TENM3: variants seen among roughly 807,000 people sequenced by gnomAD.
TENM3 encodes the protein teneurin transmembrane protein 3.
TENM3 carries 63 observed loss-of-function variants against 255.1 expected under a neutral mutation model. That is an observed-to-expected ratio of 0.25 (90% CI 0.20 to 0.30). The LOEUF (loss-of-function observed/expected upper bound fraction) is 0.30, where lower values mean the gene tolerates loss of function less well. Ranked by LOEUF, TENM3 falls within the 10% of genes least tolerant of loss-of-function variation. TENM3 has a pLI of 1.00. For missense variants in TENM3, 2,929 were observed against 3,461.1 expected, an observed-to-expected ratio of 0.85 and a Z score of 3.86; for synonymous variants, 1,306 against 1,322.3, an observed-to-expected ratio of 0.99 and a Z score of 0.27.
chr4:182,125,768 C>CT, the TENM3 span, among the ~76,000 whole-genome samples: 7,985 of 139,436 alleles, frequency 0.057, 230 homozygotes, highest in African/African-American at 0.076. Flanking sequence ...CTTTCCTTGC[C>CT]TTTTTTTTTT....
intron 1 of TENM3, among the ~76,000 whole-genome samples, chr4:182,213,074 G>A (rs1042087431): frequency 1.2e-4 from 19 of 152,180 alleles, no homozygotes; most frequent in African/African-American, 4.6e-4. Context: ...AAAAGCATTT[G>A]TCTGTAAGTT....
At chr4:182,505,057 A>T (rs527996998) in intron 3 of TENM3, among the ~76,000 whole-genome samples, 1 of 152,208 alleles carries the variant, frequency 6.6e-6, no homozygotes, top group African/African-American at 2.4e-5. Flanking sequence ...TGACAAACTC[A>T]TCAGGACTCT....
At chr4:182,514,876 T>C (rs1005045244) in intron 3 of TENM3, among the ~76,000 whole-genome samples, 1 of 152,090 alleles carries the variant, frequency 6.6e-6, no homozygotes, top group African/African-American at 2.4e-5. Context: ...CTCCATAGAA[T>C]ACCAAGCATT....
chr4:181,729,261 C>A, the TENM3 span, among the ~76,000 whole-genome samples: 1 of 152,052 alleles, frequency 6.6e-6, no homozygotes, highest in African/African-American at 2.4e-5. Context: ...TGATCTGGGC[C>A]TCGAAAGACA....
At chr4:181,605,584 G>GAAAGAAAAGAAAGAAAGAAAGAAA in the TENM3 span, among the ~76,000 whole-genome samples, 2 of 69,142 alleles carry the variant, frequency 2.9e-5, no homozygotes, top group African/African-American at 1.2e-4. Context: ...GAGAAAGAAA[G>GAAAGAAAAGAAAGAAAGAAAGAAA]GAAAGAAAGA....
chr4:182,113,309 T>C, the TENM3 span, among the ~76,000 whole-genome samples: 2 of 152,330 alleles, frequency 1.3e-5, no homozygotes, highest in South Asian at 2.1e-4. Flanking sequence ...CTTCTCTTTT[T>C]CTCTTGGGTT....
the TENM3 span, among the ~76,000 whole-genome samples, chr4:182,013,968 GTATATATA>G: frequency 1.1e-5 from 1 of 94,412 alleles, no homozygotes; most frequent in Non-Finnish European, 2.1e-5. Context: ...ACATATATAC[GTATATATA>G]CGTGTATATA....
the TENM3 span, among the ~76,000 whole-genome samples, chr4:181,605,584 G>GATA: frequency 2.9e-5 from 2 of 69,142 alleles, no homozygotes; most frequent in Non-Finnish European, 6.0e-5. Context: ...GAGAAAGAAA[G>GATA]GAAAGAAAGA....
the TENM3 span, among the ~76,000 whole-genome samples, chr4:181,919,200 G>T: frequency 1.8e-4 from 28 of 152,224 alleles, no homozygotes; most frequent in African/African-American, 6.7e-4. Context: ...AGTTGAGGAG[G>T]ACTTAAGGGT....
intron 1 of TENM3, among the ~76,000 whole-genome samples, chr4:182,231,627 C>T (rs1477988830): frequency 1.3e-5 from 2 of 152,172 alleles, no homozygotes; most frequent in South Asian, 4.1e-4. Flanking sequence ...ATGTTCCTGC[C>T]TCTCGCCCCA....
the TENM3 span, among the ~76,000 whole-genome samples, chr4:181,573,471 T>C: frequency 1.3e-5 from 2 of 152,188 alleles, no homozygotes; most frequent in African/African-American, 2.4e-5. Flanking sequence ...GCCACATGAC[T>C]AATGATTACT....
chr4:181,522,962 G>A, the TENM3 span: 8 of 692,010 alleles, frequency 1.2e-5, no homozygotes, highest in African/African-American at 1.2e-4. Context: ...AGAAGGCTGA[G>A]ATAAAGGAGA....
At chr4:181,807,915 G>C in the TENM3 span, among the ~76,000 whole-genome samples, 1 of 152,212 alleles carries the variant, frequency 6.6e-6, no homozygotes, top group Non-Finnish European at 1.5e-5. Context: ...TCTAGGGGAA[G>C]TGACTCCATG....
Position 182,621,113 on chromosome 4 carries a change from A to G in TENM3, c.750-7538A>G, listed in dbSNP as rs34161943. Among the ~76,000 whole-genome samples the G allele has an allele frequency of 3.1e-3, 467 of 151,872 alleles. 3 individuals carry two copies. The highest frequency in any genetic ancestry group is 0.01 in the Middle Eastern group (3 of 292). On this transcript the variant is annotated intron_variant, in intron 4 of 27. Transcript: ENST00000511685. The stretch of plus-strand genomic sequence containing the variant: ...GGAGAATGGCGTGAACTCAGGAGGC[A>G]GAGCTTGCAGTGAACCGAGGTCGCA...
chr4:182,641,673 G>A (rs553588035), intron 5 of TENM3, among the ~76,000 whole-genome samples: 3 of 152,074 alleles, frequency 2.0e-5, no homozygotes, highest in Non-Finnish European at 4.4e-5. Flanking sequence ...GATTACAAGT[G>A]TGCTCCACAC....
At chr4:181,880,355 TA>T in the TENM3 span, among the ~76,000 whole-genome samples, 3 of 152,274 alleles carry the variant, frequency 2.0e-5, no homozygotes, top group Admixed American at 2.0e-4. Context: ...AACAAATATG[TA>T]AATATCAATA....
At chr4:182,708,671 G>T (rs552838861) in intron 12 of TENM3, among the ~76,000 whole-genome samples, 4 of 152,036 alleles carry the variant, frequency 2.6e-5, no homozygotes, top group Non-Finnish European at 5.9e-5. Flanking sequence ...GGTGGCGGGC[G>T]CCTGTAGTCC....
the TENM3 span, among the ~76,000 whole-genome samples, chr4:181,851,813 T>C: frequency 1.3e-5 from 2 of 152,182 alleles, no homozygotes; most frequent in African/African-American, 4.8e-5. Flanking sequence ...CTCTGAATTC[T>C]AAACCTTGCT....
Position 182,800,626 on chromosome 4 carries a change from G to T in TENM3, c.*275G>T. On this transcript the variant is annotated 3_prime_UTR_variant, in exon 28 of 28. Coordinates refer to ENST00000511685, the MANE Select transcript of TENM3 (RefSeq NM_001080477.4). ...AAAAATCATCAAGGACAAAGGCCTC[G>T]ACCTGTTGCGCTGGGCCGTCTGTTC... 1 of 351,886 alleles carries T rather than the reference G, an allele frequency of 2.8e-6. No homozygotes were observed. Among genetic ancestry groups the T allele is most frequent in the Non-Finnish European group, 5.2e-6 (1 of 193,274 alleles). 21.8% of individuals were successfully genotyped at this position (351,886 alleles called of 1,614,324 possible).
Sources: allele counts gnomAD v4.1 joint callset (sites outside exome capture counted in the v4.1 genomes callset), GRCh38; gene constraint gnomAD v4.1.1; transcripts MANE v1.5; gene names NCBI Gene and HGNC (gene_info 2026-07-23, HGNC 2026-07-21).